MYO5B: variants seen among roughly 807,000 people sequenced by gnomAD.
MYO5B encodes the protein myosin VB.
Under a neutral mutation model 229.3 loss-of-function variants are expected in MYO5B, and 143 were observed. The observed-to-expected ratio is 0.62, with a 90% CI of 0.54 to 0.72. The LOEUF is 0.72. Ranked by LOEUF, MYO5B falls within the 30% of genes least tolerant of loss-of-function variation. The pLI, the probability that MYO5B is intolerant of heterozygous loss-of-function variation, is 0.00. For missense variants in MYO5B, 2,321 were observed against 2,331.0 expected (o/e 1.00, Z 0.09); for synonymous variants, 918 against 885.2 (o/e 1.04, Z -0.66).
chr18:50,128,656 C>T (rs1212053952), intron 1 of MYO5B, among the ~76,000 whole-genome samples: 1 of 152,138 alleles, frequency 6.6e-6, no homozygotes, highest in Admixed American at 6.5e-5. Flanking sequence ...TGCACCCTGC[C>T]CAGGTACAAA....
intron 17 of MYO5B, among the ~76,000 whole-genome samples, chr18:49,927,351 CA>C (rs1271688961): frequency 8.9e-6 from 1 of 112,968 alleles, no homozygotes; most frequent in Non-Finnish European, 1.8e-5. Flanking sequence ...CATATTTCTT[CA>C]CAGAACTAAA....
intron 5 of MYO5B, among the ~76,000 whole-genome samples, chr18:49,997,315 CAT>C (rs1280934804): frequency 7.9e-6 from 1 of 126,734 alleles, no homozygotes; most frequent in African/African-American, 3.1e-5. Flanking sequence ...CTGAAAATAA[CAT>C]ATCTGGTCTT....
intron 12 of MYO5B, among the ~76,000 whole-genome samples, chr18:49,958,924 C>G (rs374894890): frequency 6.6e-6 from 1 of 152,156 alleles, no homozygotes; most frequent in East Asian, 1.9e-4. Flanking sequence ...CTGATCTGAT[C>G]ATTCACATCT....
intron 1 of MYO5B, among the ~76,000 whole-genome samples, chr18:50,160,757 A>G (rs2032752983): frequency 6.6e-6 from 1 of 152,156 alleles, no homozygotes; most frequent in Non-Finnish European, 1.5e-5. Context: ...GAGAGTAGAC[A>G]CAATCCTAGG....
At chr18:49,917,684 G>A (rs1280958464) in intron 17 of MYO5B, among the ~76,000 whole-genome samples, 2 of 152,160 alleles carry the variant, frequency 1.3e-5, no homozygotes, top group African/African-American at 4.8e-5. Context: ...CCACATTAAT[G>A]GTGGGAGAAG....
rs1442051724 is a variant in MYO5B at position 50,122,632 on chromosome 18, GGGGAGAGA to G, written c.28-67262_28-67255del. 2.4e-3 allele frequency among the ~76,000 whole-genome samples: 32 copies of G among 13,406 alleles called. 1 individual carries two copies. The highest frequency in any genetic ancestry group is 6.1e-3 in the African/African-American group (28 of 4,612). 8.8% of individuals were successfully genotyped at this position (13,406 alleles called of 152,430 possible). On this transcript the variant is annotated intron_variant, in intron 1 of 39. Coordinates refer to ENST00000285039, the MANE Select transcript of MYO5B (RefSeq NM_001080467.3). Reference sequence around the variant, plus strand: ...AAAGAGAGGGAGGGAGGGAAGGGGGGGGGAGAGAGAGAGAGAGAGAGAGAGAGAGAGAG... The same window carrying G: ...AAAGAGAGGGAGGGAGGGAAGGGGGGGAGAGAGAGAGAGAGAGAGAGAGAG...
chr18:49,938,167 C>T (rs2025271936), intron 14 of MYO5B, among the ~76,000 whole-genome samples: 1 of 152,270 alleles, frequency 6.6e-6, no homozygotes, highest in African/African-American at 2.4e-5. Context: ...ATTATTGCAT[C>T]TTGTCAAGTT....
chr18:49,863,087 C>T (rs900843865), intron 29 of MYO5B, 140 bp downstream of exon 29: 8 of 731,700 alleles, frequency 1.1e-5, no homozygotes, highest in Non-Finnish European at 1.9e-5. Context: ...GGTTCTGAGT[C>T]AGTCTTTCTG....
At chr18:50,085,371 T>C (rs911372375) in intron 1 of MYO5B, among the ~76,000 whole-genome samples, 2 of 152,012 alleles carry the variant, frequency 1.3e-5, no homozygotes, top group African/African-American at 4.8e-5. Context: ...TGAGATACCA[T>C]CTCACACCAG....
chr18:49,937,289 T>TG lies in MYO5B; in HGVS notation c.1860dup (p.Met621HisfsTer43), dbSNP rs1258766593. ...TTGTGCTCCTTGTTGGAGACTTTCA[T>TG]GGGGGGTCTGGCAGAACGGACGCTG... On this transcript the variant is annotated frameshift_variant, in exon 15 of 40. Coordinates refer to ENST00000285039, the MANE Select transcript of MYO5B (RefSeq NM_001080467.3). LOFTEE classifies it high-confidence loss of function. 1 of 1,614,136 alleles carries TG rather than the reference T, an allele frequency of 6.2e-7. No individual in the cohort carries two copies. Among genetic ancestry groups the TG allele is most frequent in the Non-Finnish European group, 8.5e-7 (1 of 1,180,016 alleles).
intron 2 of MYO5B, among the ~76,000 whole-genome samples, chr18:50,042,031 A>G (rs540326894): frequency 3.5e-4 from 54 of 152,336 alleles, no homozygotes; most frequent in African/African-American, 1.3e-3. Flanking sequence ...GATTCAAGTA[A>G]AAGATTATCA....
intron 3 of MYO5B, among the ~76,000 whole-genome samples, chr18:50,039,582 C>T (rs1249175715): frequency 2.0e-5 from 3 of 152,136 alleles, no homozygotes; most frequent in East Asian, 1.9e-4. Context: ...CCGCCCGCCT[C>T]GGCCTCCCAA....
intron 16 of MYO5B, among the ~76,000 whole-genome samples, chr18:49,931,568 A>G (rs1224131226): frequency 6.6e-6 from 1 of 152,188 alleles, no homozygotes; most frequent in African/African-American, 2.4e-5. Context: ...GACAGCAGGG[A>G]GTATGTGCTG....
rs1012822948 is a variant in MYO5B at position 50,160,636 on chromosome 18, G to A, written c.27+34131C>T. ...GAACACCTCCAGCAATGAGAGGGTC[G>A]GGGGGTGGCTTGGGGGGCCACTCTG... On this transcript the variant is annotated intron_variant, in intron 1 of 39. Transcript: ENST00000285039. Among the ~76,000 whole-genome samples, 10 of 152,198 alleles carry A rather than the reference G, an allele frequency of 6.6e-5. No homozygotes were observed. In the East Asian group the frequency reaches 1.5e-3, roughly 24 times the overall value.
At chr18:49,841,508 G>A (rs1471744327) in intron 34 of MYO5B, 54 bp from the exon 35 acceptor site, 3 of 1,464,498 alleles carry the variant, frequency 2.0e-6, no homozygotes, top group South Asian at 1.1e-5. Flanking sequence ...CTGGTGAAAT[G>A]CTTCCTCGGT....
chr18:49,903,973 C>T (rs1302675851), intron 20 of MYO5B, among the ~76,000 whole-genome samples: 2 of 152,234 alleles, frequency 1.3e-5, no homozygotes, highest in African/African-American at 4.8e-5. Context: ...CCAATACCAC[C>T]GCCTGCCCTC....
intron 1 of MYO5B, among the ~76,000 whole-genome samples, chr18:50,157,993 G>A (rs931290955): frequency 6.6e-5 from 10 of 152,292 alleles, no homozygotes; most frequent in East Asian, 3.9e-4. Context: ...TGTATGTGAC[G>A]AAATGTGATC....
chr18:49,930,933 C>G (rs187738945), intron 16 of MYO5B, among the ~76,000 whole-genome samples: 3 of 151,006 alleles, frequency 2.0e-5, no homozygotes, highest in African/African-American at 7.3e-5. Flanking sequence ...AGGCAGAGAG[C>G]AAGACATCAC....
rs959264569 is a variant in MYO5B at position 49,878,972 on chromosome 18, G to A, written c.3249C>T (p.Asn1083=). Residue 1083 remains asparagine (N), a synonymous_variant, in exon 24 of 40, where the codon AAC becomes AAT. Coordinates refer to ENST00000285039, the MANE Select transcript of MYO5B (RefSeq NM_001080467.3). The part of the protein sequence containing the change: ...EYSQLEQRYD[N]LRDEMTIIKQ... ...TTATGATGGTCATTTCATCCCGAAG[G>A]TTGTCGTATCTCTGCTCCAACTGTG... The A allele has an allele frequency of 4.3e-6, 7 of 1,614,146 alleles. No homozygotes were observed. The highest frequency in any genetic ancestry group is 5.9e-6 in the Non-Finnish European group (7 of 1,180,024).
Sources: gnomAD v4.1 joint callset for allele counts (sites outside exome capture counted in the v4.1 genomes callset) on GRCh38, gnomAD v4.1.1 for gene constraint, MANE v1.5 for transcripts, NCBI Gene and HGNC (gene_info 2026-07-23, HGNC 2026-07-21) for gene names.